The following SNX29 variants were observed in gnomAD, a reference collection of about 807,000 sequenced individuals.
SNX29 encodes sorting nexin 29.
A neutral mutation model predicts 102.1 loss-of-function variants in SNX29; 78 were observed. That is an observed-to-expected ratio of 0.76 (90% CI 0.64 to 0.92). SNX29 has a LOEUF of 0.92. SNX29 is among the 40% of genes least tolerant of loss of function. The pLI, the probability that SNX29 is intolerant of heterozygous loss-of-function variation, is 0.00. For synonymous variants in SNX29, 580 were observed against 414.5 expected (o/e 1.40, Z -4.85); for missense variants, 1,280 against 1,061.7 (o/e 1.21, Z -2.86).
chr16:12,555,376 C>T (rs897734438), intron 20 of SNX29, among the ~76,000 whole-genome samples: 2 of 152,044 alleles, frequency 1.3e-5, no homozygotes, highest in Non-Finnish European at 2.9e-5. Context: ...TGAGGCGCTC[C>T]CTGTCTTTCC....
intron 15 of SNX29, among the ~76,000 whole-genome samples, chr16:12,305,634 A>G (rs1259097244): frequency 6.6e-6 from 1 of 152,236 alleles, no homozygotes; most frequent in African/African-American, 2.4e-5. Context: ...AAAACATTGC[A>G]TGGAAATATT....
chr16:12,548,819 C>T (rs576680046), intron 20 of SNX29, among the ~76,000 whole-genome samples: 8 of 152,326 alleles, frequency 5.3e-5, no homozygotes, highest in Admixed American at 3.3e-4. Context: ...TTTCCTATGG[C>T]AGGCCCAGCC....
At chr16:12,484,664 C>G (rs1267349026) in intron 19 of SNX29, among the ~76,000 whole-genome samples, 1 of 152,132 alleles carries the variant, frequency 6.6e-6, no homozygotes, top group Non-Finnish European at 1.5e-5. Context: ...ACCTGTCACA[C>G]CCTGTACCTG....
chr16:12,062,572 C>A (rs777218150), intron 9 of SNX29, among the ~76,000 whole-genome samples: 1 of 150,174 alleles, frequency 6.7e-6, no homozygotes, highest in African/African-American at 2.4e-5. Flanking sequence ...GCAGCTGGCA[C>A]AGCATCTGGC....
chr16:12,397,853 T>A (rs935470539), intron 16 of SNX29, among the ~76,000 whole-genome samples: 9 of 152,152 alleles, frequency 5.9e-5, no homozygotes, highest in Non-Finnish European at 7.3e-5. Context: ...ACCTCCACAG[T>A]GTGGGGTCAG....
intron 16 of SNX29, among the ~76,000 whole-genome samples, chr16:12,360,980 A>T (rs1750531659): frequency 6.6e-6 from 1 of 152,216 alleles, no homozygotes; most frequent in Admixed American, 6.5e-5. Flanking sequence ...AGCTCTAGAG[A>T]ATTGCAGGAA....
intron 13 of SNX29, among the ~76,000 whole-genome samples, chr16:12,166,732 A>G (rs964780085): frequency 6.6e-6 from 1 of 152,190 alleles, no homozygotes; most frequent in South Asian, 2.1e-4. Flanking sequence ...GATTGCCACC[A>G]GCAGCTTCAG....
At chr16:12,349,000 C>A (rs1190692075) in intron 15 of SNX29, among the ~76,000 whole-genome samples, 2 of 152,190 alleles carry the variant, frequency 1.3e-5, no homozygotes. Context: ...GAACACTTCC[C>A]CATTCCTCAG....
At chr16:12,283,951 G>A (rs1482110275) in intron 15 of SNX29, among the ~76,000 whole-genome samples, 2 of 152,170 alleles carry the variant, frequency 1.3e-5, no homozygotes, top group Non-Finnish European at 2.9e-5. Flanking sequence ...ACTTCCCCAT[G>A]CTTCTTGAAA....
intron 13 of SNX29, among the ~76,000 whole-genome samples, chr16:12,130,344 G>A (rs1317488146): frequency 2.0e-5 from 3 of 151,540 alleles, no homozygotes; most frequent in Admixed American, 1.3e-4. Context: ...GAGTGGTGAC[G>A]GACGCCTGTA....
intron 20 of SNX29, among the ~76,000 whole-genome samples, chr16:12,561,381 C>T (rs1043126451): frequency 3.3e-5 from 5 of 152,154 alleles, no homozygotes; most frequent in Non-Finnish European, 7.3e-5. Flanking sequence ...GTGGAAGATG[C>T]TGGCCACATC....
At chr16:12,345,445 G>T (rs2081766015) in intron 15 of SNX29, among the ~76,000 whole-genome samples, 1 of 152,172 alleles carries the variant, frequency 6.6e-6, no homozygotes, top group South Asian at 2.1e-4. Flanking sequence ...GCTCTGGGGG[G>T]ACCAGTGGGA....
Position 12,571,646 on chromosome 16 carries a change from A to T in SNX29, c.*3017A>T. 1 of 1,058,758 alleles carries T rather than the reference A, an allele frequency of 9.4e-7. No individual in the cohort carries two copies. The highest frequency in any genetic ancestry group is 1.1e-6 in the Non-Finnish European group (1 of 875,438). 65.6% of individuals were successfully genotyped at this position (1,058,758 alleles called of 1,614,324 possible). On this transcript the variant is annotated 3_prime_UTR_variant, in exon 21 of 21. Transcript: ENST00000566228. Reference sequence around the variant, plus strand: ...TCTTTTTTTCTCCCCCAGATGAAAGACGACTCAGGAACGGTAGGGCTGGGC... The same window carrying T: ...TCTTTTTTTCTCCCCCAGATGAAAGTCGACTCAGGAACGGTAGGGCTGGGC...
In SNX29 at chr16:12,568,841, G is replaced by C. The variant is rs1036755361; in HGVS notation, c.*212G>C. On this transcript the variant is annotated 3_prime_UTR_variant, in exon 21 of 21. Transcript: ENST00000566228. ...ACCCGAGAGACCAAGGCAGCACCTC[G>C]CTGGAGAGACTGGGACACACAGTCC... is the stretch of plus-strand genomic sequence containing the variant. The C allele has an allele frequency of 6.9e-6, 5 of 723,904 alleles. No homozygotes were observed. The Admixed American group carries it at 1.2e-4, about 18-fold the overall frequency. The allele number at this position is 723,904 out of a possible 1,614,324, so 44.8% of individuals were successfully genotyped here.
At chr16:12,556,041 G>A (rs1413571406) in intron 20 of SNX29, among the ~76,000 whole-genome samples, 3 of 152,124 alleles carry the variant, frequency 2.0e-5, no homozygotes, top group Non-Finnish European at 4.4e-5. Flanking sequence ...GTAGTGCTGA[G>A]TGACGCTTAA....
intron 15 of SNX29, among the ~76,000 whole-genome samples, chr16:12,351,646 A>C (rs935096767): frequency 2.6e-5 from 4 of 152,334 alleles, no homozygotes; most frequent in Middle Eastern, 6.8e-3. Flanking sequence ...GTATTTTTAC[A>C]GACTTAAAAG....
At chr16:12,354,689 T>TC (rs1555517592) in intron 15 of SNX29, among the ~76,000 whole-genome samples, 1 of 152,128 alleles carries the variant, frequency 6.6e-6, no homozygotes, top group Non-Finnish European at 1.5e-5. Context: ...AGGAAGCTCG[T>TC]GGGGGGTTTA....
chr16:12,091,014 C>CAAAAAAAAAAAAAAAAAA (rs58933500), intron 11 of SNX29, among the ~76,000 whole-genome samples: 18 of 53,434 alleles, frequency 3.4e-4, no homozygotes, highest in African/African-American at 7.0e-4. Context: ...GACTTCATCT[C>CAAAAAAAAAAAAAAAAAA]AAAAAAAAAA....
chr16:11,986,305 G>T (rs1177842111), intron 1 of SNX29, among the ~76,000 whole-genome samples: 1 of 147,380 alleles, frequency 6.8e-6, no homozygotes, highest in African/African-American at 2.5e-5. Flanking sequence ...AGGGAAACTT[G>T]CCCACTCCAT....
Sources: gnomAD v4.1 joint callset for allele counts (sites outside exome capture counted in the v4.1 genomes callset) on GRCh38, gnomAD v4.1.1 for gene constraint, MANE v1.5 for transcripts, NCBI Gene and HGNC (gene_info 2026-07-23, HGNC 2026-07-21) for gene names.